The following SKAP1 variants were observed in gnomAD, a reference collection of about 807,000 sequenced individuals.
SKAP1 encodes src kinase associated phosphoprotein 1, also known as src kinase-associated phosphoprotein 1.
A neutral mutation model predicts 58.5 loss-of-function variants in SKAP1; 44 were observed. The ratio of observed to expected loss-of-function variants is 0.75; its 90% CI spans 0.59 to 0.97. SKAP1 has a LOEUF of 0.97. SKAP1 is among the 50% of genes least tolerant of loss of function. The pLI, the probability that SKAP1 is intolerant of heterozygous loss-of-function variation, is 0.00. For synonymous variants in SKAP1, 127 were observed against 149.7 expected (o/e 0.85, Z 1.11); for missense variants, 390 against 435.2 (o/e 0.90, Z 0.92).
At chr17:48,387,694 T>C (rs1226933296) in intron 2 of SKAP1, among the ~76,000 whole-genome samples, 2 of 152,244 alleles carry the variant, frequency 1.3e-5, no homozygotes, top group African/African-American at 2.4e-5. Context: ...TTCTAACCTC[T>C]GTCATTTTTA....
At chr17:48,379,731 G>C (rs71377359) in intron 2 of SKAP1, among the ~76,000 whole-genome samples, 2 of 148,306 alleles carry the variant, frequency 1.3e-5, no homozygotes, top group Non-Finnish European at 3.0e-5. Context: ...GCCCAGGCTG[G>C]AGTGCAGTGG....
At chr17:48,423,927 T>C (rs1222803997) in intron 1 of SKAP1, among the ~76,000 whole-genome samples, 1 of 151,928 alleles carries the variant, frequency 6.6e-6, no homozygotes, top group Non-Finnish European at 1.5e-5. Context: ...TGGCCCGATT[T>C]TTATTTTAAG....
chr17:48,429,703 T>A lies in SKAP1; in HGVS notation c.46+372A>T, dbSNP rs115959487. Among the ~76,000 whole-genome samples the A allele has an allele frequency of 4.6e-3, 694 of 152,010 alleles. 4 individuals are homozygous for A. The highest frequency in any genetic ancestry group is 0.016 in the African/African-American group (644 of 41,452). On this transcript the variant is annotated intron_variant, in intron 1 of 12. Transcript: ENST00000336915. ...TCTTCTGTGAGAGGTGAGGAAGTCGTGGCTGGGGAAGGAGGGGGACGGGAA... is the reference window on the plus strand; with the variant it reads ...TCTTCTGTGAGAGGTGAGGAAGTCGAGGCTGGGGAAGGAGGGGGACGGGAA...
At chr17:48,331,820 T>C (rs999792422) in intron 4 of SKAP1, among the ~76,000 whole-genome samples, 3 of 152,138 alleles carry the variant, frequency 2.0e-5, no homozygotes, top group Admixed American at 1.3e-4. Context: ...AGTAATAAGC[T>C]AGTTAATAAA....
chr17:48,303,358 C>A (rs921187116), intron 4 of SKAP1, among the ~76,000 whole-genome samples: 5 of 152,194 alleles, frequency 3.3e-5, no homozygotes, highest in Non-Finnish European at 7.3e-5. Context: ...TAGTTCAAAT[C>A]ATTTCTCATC....
chr17:48,352,952 T>C (rs2066821175), intron 3 of SKAP1, among the ~76,000 whole-genome samples: 1 of 152,196 alleles, frequency 6.6e-6, no homozygotes, highest in Non-Finnish European at 1.5e-5. Flanking sequence ...GCCAGTGAGT[T>C]GACTTTATGG....
At chr17:48,149,842 C>A (rs898942933) in intron 11 of SKAP1, among the ~76,000 whole-genome samples, 73 of 152,156 alleles carry the variant, frequency 4.8e-4, no homozygotes, top group African/African-American at 1.7e-3. Flanking sequence ...AGCAGAGAAA[C>A]AAAATGACCA....
chr17:48,352,307 A>C (rs2066812928), intron 3 of SKAP1, among the ~76,000 whole-genome samples: 1 of 152,192 alleles, frequency 6.6e-6, no homozygotes, highest in African/African-American at 2.4e-5. Context: ...TCACACTAAC[A>C]CATTCCATCT....
intron 1 of SKAP1, among the ~76,000 whole-genome samples, chr17:48,419,659 C>G (rs1435781955): frequency 1.3e-5 from 2 of 151,790 alleles, no homozygotes; most frequent in Non-Finnish European, 2.9e-5. Context: ...CTGTAGCTAC[C>G]TATGCACCCC....
At chr17:48,340,058 T>C (rs2066629118) in intron 4 of SKAP1, among the ~76,000 whole-genome samples, 1 of 152,114 alleles carries the variant, frequency 6.6e-6, no homozygotes, top group South Asian at 2.1e-4. Flanking sequence ...CATGCGCCTA[T>C]AATCCCAGCT....
At chr17:48,384,701 T>C (rs1025950606) in intron 2 of SKAP1, among the ~76,000 whole-genome samples, 2 of 152,208 alleles carry the variant, frequency 1.3e-5, no homozygotes, top group Admixed American at 1.3e-4. Flanking sequence ...CAAAGCAGAA[T>C]GGCTTATAGA....
At chr17:48,334,786 G>C (rs1479805760) in intron 4 of SKAP1, among the ~76,000 whole-genome samples, 1 of 151,662 alleles carries the variant, frequency 6.6e-6, no homozygotes, top group Non-Finnish European at 1.5e-5. Flanking sequence ...TCTGTAGGTT[G>C]GTTAAATTTT....
intron 4 of SKAP1, among the ~76,000 whole-genome samples, chr17:48,273,576 C>A (rs1239348785): frequency 6.6e-6 from 1 of 152,056 alleles, no homozygotes; most frequent in East Asian, 1.9e-4. Flanking sequence ...TGCCACCGCG[C>A]CTGGCTAATT....
intron 4 of SKAP1, among the ~76,000 whole-genome samples, chr17:48,228,215 G>A (rs2065090423): frequency 6.6e-6 from 1 of 152,052 alleles, no homozygotes; most frequent in Non-Finnish European, 1.5e-5. Context: ...GAGAGATAGA[G>A]AGATTGAATG....
intron 4 of SKAP1, among the ~76,000 whole-genome samples, chr17:48,192,566 G>A (rs974906832): frequency 4.6e-5 from 7 of 152,242 alleles, no homozygotes; most frequent in African/African-American, 1.2e-4. Context: ...CATAAAAAAT[G>A]CCTGAGTGAA....
At chr17:48,191,820 A>G (rs936915134) in intron 4 of SKAP1, among the ~76,000 whole-genome samples, 2 of 152,196 alleles carry the variant, frequency 1.3e-5, no homozygotes, top group Non-Finnish European at 2.9e-5. Context: ...GTTGCCATAA[A>G]TCCTTTTAAT....
chr17:48,348,834 A>G (rs1009058137), intron 3 of SKAP1, among the ~76,000 whole-genome samples: 1 of 152,242 alleles, frequency 6.6e-6, no homozygotes, highest in Non-Finnish European at 1.5e-5. Flanking sequence ...GTGTGCTTTC[A>G]ACAGCCACCC....
chr17:48,165,862 A>C (rs1184489848), intron 10 of SKAP1, among the ~76,000 whole-genome samples: 1 of 152,142 alleles, frequency 6.6e-6, no homozygotes, highest in Non-Finnish European at 1.5e-5. Context: ...AAAACATCCT[A>C]ATTCTCATTT....
intron 4 of SKAP1, among the ~76,000 whole-genome samples, chr17:48,341,020 T>C (rs1466999074): frequency 6.6e-6 from 1 of 152,224 alleles, no homozygotes; most frequent in African/African-American, 2.4e-5. Context: ...TCATGTGGAT[T>C]AGATGTGTCA....
Sources: gnomAD v4.1 joint callset for allele counts (sites outside exome capture counted in the v4.1 genomes callset) on GRCh38, gnomAD v4.1.1 for gene constraint, MANE v1.5 for transcripts, NCBI Gene and HGNC (gene_info 2026-07-23, HGNC 2026-07-21) for gene names.